ARHGAP10: variants seen among roughly 807,000 people sequenced by gnomAD.
ARHGAP10 encodes the protein rho GTPase-activating protein 10.
ARHGAP10 carries 87 observed loss-of-function variants against 108.6 expected under a neutral mutation model. The ratio of observed to expected loss-of-function variants is 0.80; its 90% CI spans 0.67 to 0.96. The LOEUF (loss-of-function observed/expected upper bound fraction) is 0.96. Among genes scored for constraint, ARHGAP10 ranks in the 40% least tolerant of loss-of-function variants. The pLI is 0.00. For missense variants in ARHGAP10, 939 were observed against 954.5 expected (o/e 0.98, Z 0.21); for synonymous variants, 347 against 341.1 (o/e 1.02, Z -0.19).
intron 1 of ARHGAP10, among the ~76,000 whole-genome samples, chr4:147,758,949 G>A (rs1449556243): frequency 8.7e-5 from 13 of 149,256 alleles, no homozygotes; most frequent in Admixed American, 6.7e-5. Flanking sequence ...ACTGCACTCC[G>A]GTCTGGGTAA....
chr4:147,974,405 CT>C (rs1739519289), intron 18 of ARHGAP10, among the ~76,000 whole-genome samples: 1 of 152,070 alleles, frequency 6.6e-6, no homozygotes, highest in Admixed American at 6.5e-5. Flanking sequence ...CTTGAAGATT[CT>C]GAAGAGCCTG....
intron 13 of ARHGAP10, among the ~76,000 whole-genome samples, chr4:147,936,644 A>T (rs1288009987): frequency 1.3e-5 from 2 of 151,954 alleles, no homozygotes; most frequent in African/African-American, 4.8e-5. Flanking sequence ...CCTCTCTTAT[A>T]GTTGCTGAAT....
chr4:147,958,225 A>G (rs539627048), intron 16 of ARHGAP10, among the ~76,000 whole-genome samples: 1 of 152,342 alleles, frequency 6.6e-6, no homozygotes, highest in South Asian at 2.1e-4. Flanking sequence ...TCCTTGCTGT[A>G]TCATTTTGAT....
At chr4:147,952,366 T>A (rs80201109) in intron 15 of ARHGAP10, among the ~76,000 whole-genome samples, 1 of 152,196 alleles carries the variant, frequency 6.6e-6, no homozygotes, top group East Asian at 1.9e-4. Context: ...TTTCTTTACA[T>A]CCTCACCAAC....
At chr4:147,739,199 A>G (rs535737417) in intron 1 of ARHGAP10, among the ~76,000 whole-genome samples, 17 of 152,068 alleles carry the variant, frequency 1.1e-4, no homozygotes, top group East Asian at 9.6e-4. Flanking sequence ...AAAAAAAAAA[A>G]AAAAGAAAAG....
At chr4:147,746,884 G>T (rs55706053) in intron 1 of ARHGAP10, among the ~76,000 whole-genome samples, 8,640 of 152,182 alleles carry the variant, frequency 0.057, 566 homozygotes, top group African/African-American at 0.16. Flanking sequence ...ACAAGATTCA[G>T]TAATTCTGTT....
chr4:147,780,547 A>G (rs1432373556), intron 1 of ARHGAP10, among the ~76,000 whole-genome samples: 3 of 57,532 alleles, frequency 5.2e-5, no homozygotes, highest in African/African-American at 1.1e-4. Context: ...GGCCTTGGGA[A>G]GAAGGAGACT....
chr4:147,873,640 C>G (rs915091388), intron 7 of ARHGAP10, among the ~76,000 whole-genome samples: 11 of 147,284 alleles, frequency 7.5e-5, no homozygotes, highest in African/African-American at 2.5e-4. Flanking sequence ...AGCCTGGGCC[C>G]CATAATGAGA....
intron 10 of ARHGAP10, among the ~76,000 whole-genome samples, chr4:147,898,385 T>C (rs961932134): frequency 6.6e-6 from 1 of 152,144 alleles, no homozygotes; most frequent in African/African-American, 2.4e-5. Flanking sequence ...ATTTTTCTTA[T>C]CAGTCTCTCC....
At chr4:147,938,313 CACAGGTTT>C (rs908114834) in intron 13 of ARHGAP10, among the ~76,000 whole-genome samples, 14 of 151,988 alleles carry the variant, frequency 9.2e-5, no homozygotes, top group Non-Finnish European at 1.8e-4. Flanking sequence ...AATGCCATGA[CACAGGTTT>C]ATTATCTATG....
intron 3 of ARHGAP10, among the ~76,000 whole-genome samples, chr4:147,839,899 A>G (rs1021075383): frequency 3.3e-5 from 5 of 152,242 alleles, no homozygotes; most frequent in African/African-American, 1.2e-4. Flanking sequence ...AAACATTTTA[A>G]TCCTCCACAC....
At chr4:147,756,826 G>A (rs1460267903) in intron 1 of ARHGAP10, among the ~76,000 whole-genome samples, 2 of 151,818 alleles carry the variant, frequency 1.3e-5, no homozygotes, top group East Asian at 1.9e-4. Context: ...GTAATGTATT[G>A]TCTTATTAGA....
At chr4:148,009,256 C>G (rs1741078306) in intron 18 of ARHGAP10, among the ~76,000 whole-genome samples, 1 of 151,952 alleles carries the variant, frequency 6.6e-6, no homozygotes, top group African/African-American at 2.4e-5. Context: ...CTCAGCCTCC[C>G]ATGTAGCTGG....
intron 1 of ARHGAP10, among the ~76,000 whole-genome samples, chr4:147,793,983 T>C (rs566798245): frequency 6.6e-6 from 1 of 152,246 alleles, no homozygotes; most frequent in Non-Finnish European, 1.5e-5. Flanking sequence ...ACAGTTCTAC[T>C]ATTCTTAAAA....
chr4:148,032,300 A>T lies in ARHGAP10; in HGVS notation c.1867+8887A>T, dbSNP rs1728180431. On this transcript the variant is annotated intron_variant, in intron 19 of 22. Coordinates refer to ENST00000336498, the MANE Select transcript of ARHGAP10 (RefSeq NM_024605.4). ...AAAATTGCCATCTTTTAGGTAAAAA[A>T]TTATCTAATATTGGCAATTTCAACT... Among the ~76,000 whole-genome samples the T allele has an allele frequency of 2.7e-5, 4 of 149,168 alleles. No individual in the cohort carries two copies. The South Asian group carries it at 9.0e-4, about 33-fold the overall frequency.
chr4:148,018,245 G>A (rs1353873162), intron 18 of ARHGAP10, among the ~76,000 whole-genome samples: 2 of 152,134 alleles, frequency 1.3e-5, no homozygotes, highest in Non-Finnish European at 2.9e-5. Context: ...TTAGAACAAA[G>A]GCAATGAGAG....
intron 1 of ARHGAP10, among the ~76,000 whole-genome samples, chr4:147,819,827 G>A (rs1305805247): frequency 6.6e-6 from 1 of 152,158 alleles, no homozygotes; most frequent in Admixed American, 6.5e-5. Flanking sequence ...CCAGAGTGCT[G>A]GGATTATAGG....
At chr4:147,871,021 CCA>C (rs1462705458) in intron 7 of ARHGAP10, among the ~76,000 whole-genome samples, 3 of 149,264 alleles carry the variant, frequency 2.0e-5, no homozygotes, top group South Asian at 4.3e-4. Context: ...GTGCTGTGGC[CCA>C]GTCTCGGCTC....
At chr4:147,876,825 T>G (rs529663847) in intron 8 of ARHGAP10, among the ~76,000 whole-genome samples, 1 of 152,332 alleles carries the variant, frequency 6.6e-6, no homozygotes, top group Non-Finnish European at 1.5e-5. Flanking sequence ...ACTTGTCTCA[T>G]TTATCCATAA....
Sources: allele counts gnomAD v4.1 joint callset (sites outside exome capture counted in the v4.1 genomes callset), GRCh38; gene constraint gnomAD v4.1.1; transcripts MANE v1.5; gene names NCBI Gene and HGNC (gene_info 2026-07-23, HGNC 2026-07-21).